The following USH2A variants were observed in gnomAD, a reference collection of about 807,000 sequenced individuals.
USH2A encodes the protein Usher syndrome 2A (autosomal recessive, mild).
USH2A carries 443 observed loss-of-function variants against 538.9 expected under a neutral mutation model. The observed-to-expected ratio is 0.82, with a 90% CI of 0.76 to 0.89. The LOEUF (loss-of-function observed/expected upper bound fraction) is 0.89, where lower values mean the gene tolerates loss of function less well. Ranked by LOEUF, USH2A falls within the 40% of genes least tolerant of loss-of-function variation. The pLI is 0.00. For synonymous variants in USH2A, 2,413 were observed against 2,273.5 expected (o/e 1.06, Z -1.75); for missense variants, 6,633 against 6,324.8 (o/e 1.05, Z -1.65).
rs974645666 is a variant in USH2A at position 215,835,618 on chromosome 1, C to A, written c.9371+2373G>T. ...CAAAGATGCAAGAGACCTGGGATTC[C>A]AAACACTTATTTGTTAACAGTTGTG... On this transcript the variant is annotated intron_variant, in intron 47 of 71. Coordinates refer to ENST00000307340, the MANE Select transcript of USH2A (RefSeq NM_206933.4). Among the ~76,000 whole-genome samples, 3 of 152,046 alleles carry A rather than the reference C, an allele frequency of 2.0e-5. 1 individual carries two copies. In the South Asian group the frequency reaches 6.2e-4, roughly 32 times the overall value.
At chr1:215,953,492 G>A (rs7529682) in intron 37 of USH2A, among the ~76,000 whole-genome samples, 59,607 of 151,894 alleles carry the variant, frequency 0.39, 12,188 homozygotes, top group East Asian at 0.67. Flanking sequence ...AAATGGTGCT[G>A]GGAAAACTGG....
At chr1:215,781,946 T>C (rs1255832688) in intron 54 of USH2A, 96 bp downstream of exon 54, 3 of 1,539,124 alleles carry the variant, frequency 1.9e-6, no homozygotes, top group Admixed American at 3.3e-5. Flanking sequence ...AGGAGGGACA[T>C]TGTTTTCTTC....
At chr1:215,777,835 A>G (rs1661509597) in intron 55 of USH2A, among the ~76,000 whole-genome samples, 1 of 152,138 alleles carries the variant, frequency 6.6e-6, no homozygotes, top group Non-Finnish European at 1.5e-5. Context: ...CATCTTTCAG[A>G]TATGATTATT....
intron 9 of USH2A, among the ~76,000 whole-genome samples, chr1:216,314,109 C>T (rs1337386134): frequency 6.6e-6 from 1 of 152,128 alleles, no homozygotes; most frequent in Non-Finnish European, 1.5e-5. Flanking sequence ...TAATTCTTTA[C>T]TCTTATCCCT....
intron 37 of USH2A, among the ~76,000 whole-genome samples, chr1:215,948,453 C>T (rs1228198887): frequency 6.6e-6 from 1 of 151,128 alleles, no homozygotes; most frequent in Non-Finnish European, 1.5e-5. Context: ...TACACACACA[C>T]ACACACACAC....
intron 9 of USH2A, among the ~76,000 whole-genome samples, chr1:216,300,741 G>GTTT (rs531354825): frequency 4.2e-4 from 49 of 116,518 alleles, no homozygotes; most frequent in African/African-American, 1.2e-3. Context: ...TAGACTCAAT[G>GTTT]TTTTTTTTTT....
intron 11 of USH2A, among the ~76,000 whole-genome samples, 173 bp from the exon 12 acceptor site, chr1:216,251,271 A>G (rs999084570): frequency 3.9e-5 from 6 of 152,110 alleles, no homozygotes; most frequent in Non-Finnish European, 7.4e-5. Context: ...AGCAGGGGGA[A>G]TATACAGAAC....
intron 32 of USH2A, among the ~76,000 whole-genome samples, chr1:216,020,187 T>G (rs548854979): frequency 1.3e-5 from 2 of 152,328 alleles, no homozygotes; most frequent in East Asian, 3.9e-4. Flanking sequence ...TGATTTTAAA[T>G]AAAATAATAC....
intron 13 of USH2A, among the ~76,000 whole-genome samples, 161 bp from the exon 14 acceptor site, chr1:216,232,297 A>G (rs561037269): frequency 2.8e-4 from 42 of 152,332 alleles, no homozygotes; most frequent in African/African-American, 8.7e-4. Context: ...ATTATGACCA[A>G]AGAAAAACTG....
At chr1:216,039,737 A>C (rs1426779820) in intron 32 of USH2A, among the ~76,000 whole-genome samples, 1 of 151,982 alleles carries the variant, frequency 6.6e-6, no homozygotes, top group Non-Finnish European at 1.5e-5. Context: ...TAACGCTCGG[A>C]TAGAAGTGCC....
rs2039712020 is a variant in USH2A, at chr1:216,423,371, A to G, written c.-362T>C. 6.6e-6 allele frequency: 1 copy of G among 152,150 alleles called. No homozygotes were observed. Among genetic ancestry groups the G allele is most frequent in the Non-Finnish European group, 1.5e-5 (1 of 68,048 alleles). The allele number at this position is 152,150 out of a possible 1,614,324, so 9.4% of individuals were successfully genotyped here. On this transcript the variant is annotated 5_prime_UTR_variant, in exon 1 of 72. Transcript: ENST00000307340. ...TGCTGGAAGGAAGACTTGGGTGCCC[A>G]GGTAAAGTATTCTGCAGAGCAAACA...
At chr1:216,158,660 C>T (rs968135486) in intron 21 of USH2A, among the ~76,000 whole-genome samples, 15 of 152,094 alleles carry the variant, frequency 9.9e-5, no homozygotes, top group African/African-American at 3.6e-4. Context: ...ATAAGCCTTC[C>T]TACTTTGCCC....
At chr1:215,775,958 C>A (rs1661449478) in intron 55 of USH2A, among the ~76,000 whole-genome samples, 1 of 151,954 alleles carries the variant, frequency 6.6e-6, no homozygotes, top group African/African-American at 2.4e-5. Context: ...AATAGTTTTC[C>A]AGAGTAAGAG....
In USH2A at chr1:215,728,397, C is replaced by A. The variant is rs1476862309; in HGVS notation, c.11712-13G>T. ...GCCAGCAGGGCGTCTGAAAGGAAAC[C>A]AAGCAGGCAACCAGTGACAGCTGCA... On this transcript the variant is annotated splice_polypyrimidine_tract_variant and intron_variant, in intron 60 of 71. Transcript: ENST00000307340. 2 of 1,612,890 alleles carry A rather than the reference C, an allele frequency of 1.2e-6. No individual in the cohort carries two copies. The highest frequency in any genetic ancestry group is 1.7e-6 in the Non-Finnish European group (2 of 1,179,470).
intron 67 of USH2A, among the ~76,000 whole-genome samples, chr1:215,640,964 T>G (rs749107806): frequency 1.3e-5 from 2 of 152,056 alleles, no homozygotes; most frequent in Non-Finnish European, 2.9e-5. Context: ...GTGAAATGCT[T>G]TCTCAGCAAC....
rs1238086961 is a variant in USH2A at position 215,888,508 on chromosome 1, C to T, written c.8141G>A (p.Trp2714Ter). ...TGAGGGTCTTGTGGTAACTTCTACC[C>T]AAGCACTGCTGTTTGTGCCTCCATG... ...TLHGGTNSSA[W>*]VEVTTRPSRP... The change falls in exon 41 of 72, where the codon TGG (tryptophan) becomes TAG (stop). Residue 2714 changes from tryptophan to a stop codon, truncating the protein, a stop_gained. Transcript: ENST00000307340. LOFTEE classifies it high-confidence loss of function. The T allele has an allele frequency of 6.2e-7, 1 of 1,614,014 alleles. No individual in the cohort carries two copies. Among genetic ancestry groups the T allele is most frequent in the Non-Finnish European group, 8.5e-7 (1 of 1,180,012 alleles).
rs1212269812 is a variant in USH2A, at chr1:216,072,992, C to A, written c.5777-23G>T. 6 of 1,613,354 alleles carry A rather than the reference C, an allele frequency of 3.7e-6. No individual in the cohort carries two copies. In the African/African-American group the frequency reaches 5.3e-5, roughly 14 times the overall value. On this transcript the variant is annotated intron_variant, in intron 28 of 71. Transcript: ENST00000307340. ...ATTCTTAAATGGAAATAAGATGCAGCAAGATTAAAATAATACTCATATAGA... is the reference window on the plus strand; with the variant it reads ...ATTCTTAAATGGAAATAAGATGCAGAAAGATTAAAATAATACTCATATAGA...
At chr1:215,976,652 A>T (rs1571860721) in intron 35 of USH2A, among the ~76,000 whole-genome samples, 1 of 152,176 alleles carries the variant, frequency 6.6e-6, no homozygotes, top group Non-Finnish European at 1.5e-5. Flanking sequence ...TTATGAATAC[A>T]TTTATTGATT....
intron 43 of USH2A, among the ~76,000 whole-genome samples, chr1:215,871,378 T>G (rs937238561): frequency 2.6e-5 from 4 of 152,204 alleles, no homozygotes; most frequent in Non-Finnish European, 5.9e-5. Context: ...AATAGATAAT[T>G]TTATAAATGA....
Sources: gnomAD v4.1 joint callset for allele counts (sites outside exome capture counted in the v4.1 genomes callset) on GRCh38, gnomAD v4.1.1 for gene constraint, MANE v1.5 for transcripts, NCBI Gene and HGNC (gene_info 2026-07-23, HGNC 2026-07-21) for gene names.